B3GALT1: variants seen among roughly 807,000 people sequenced by gnomAD.
B3GALT1 encodes the protein beta-1,3-galactosyltransferase 1, also known as UDP-Gal:betaGlcNAc beta 1,3-galactosyltransferase, polypeptide 1.
A neutral mutation model predicts 23.2 loss-of-function variants in B3GALT1; 10 were observed. The ratio of observed to expected loss-of-function variants is 0.43; its 90% CI spans 0.27 to 0.73. The LOEUF (loss-of-function observed/expected upper bound fraction) is 0.73. B3GALT1 is among the 30% of genes least tolerant of loss of function. The probability of loss-of-function intolerance (pLI) is 0.21; values close to 1 mark genes in which losing one functional copy is unlikely to be tolerated. For missense variants in B3GALT1, 299 were observed against 405.4 expected, an observed-to-expected ratio of 0.74 and a Z score of 2.25; for synonymous variants, 156 against 141.5, an observed-to-expected ratio of 1.10 and a Z score of -0.73.
At chr2:167,621,545 T>C (rs1185920340) in intron 2 of B3GALT1, among the ~76,000 whole-genome samples, 3 of 152,046 alleles carry the variant, frequency 2.0e-5, no homozygotes, top group Admixed American at 6.6e-5. Flanking sequence ...GATTAAGCAA[T>C]TGAGGGAAAA....
chr2:167,418,392 G>A (rs550111995), intron 1 of B3GALT1, among the ~76,000 whole-genome samples: 1 of 151,936 alleles, frequency 6.6e-6, no homozygotes, highest in East Asian at 1.9e-4. Context: ...GGGGCTTAAG[G>A]CATGTGTGGG....
intron 3 of B3GALT1, among the ~76,000 whole-genome samples, chr2:167,803,890 C>T (rs761065162): frequency 1.3e-5 from 2 of 152,118 alleles, no homozygotes; most frequent in African/African-American, 2.4e-5. Context: ...TTGTATTTTA[C>T]GTTAATGGAG....
At chr2:167,740,113 A>G (rs945963134) in intron 3 of B3GALT1, among the ~76,000 whole-genome samples, 3 of 150,182 alleles carry the variant, frequency 2.0e-5, no homozygotes, top group African/African-American at 7.3e-5. Flanking sequence ...TAAATAAATA[A>G]ATAAATAAAT....
At chr2:167,592,330 C>G (rs868813500) in intron 2 of B3GALT1, among the ~76,000 whole-genome samples, 4 of 152,146 alleles carry the variant, frequency 2.6e-5, no homozygotes, top group African/African-American at 9.7e-5. Context: ...TGCCCCTAAT[C>G]TAAGAGGATC....
At chr2:167,840,619 G>A (rs371823789) in intron 4 of B3GALT1, among the ~76,000 whole-genome samples, 26 of 149,146 alleles carry the variant, frequency 1.7e-4, no homozygotes, top group Non-Finnish European at 2.5e-4. Context: ...TCAGTGTGGC[G>A]ATTCCTCAGG....
At chr2:167,504,236 G>A (rs1295200506) in intron 2 of B3GALT1, among the ~76,000 whole-genome samples, 1 of 152,116 alleles carries the variant, frequency 6.6e-6, no homozygotes, top group African/African-American at 2.4e-5. Flanking sequence ...TATTTAGTTG[G>A]CCTTGTTTAC....
At chr2:167,833,481 AAGATGTTTCAGTGATAATGAATCAG>A (rs1277648872) in intron 4 of B3GALT1, among the ~76,000 whole-genome samples, 2 of 152,218 alleles carry the variant, frequency 1.3e-5, no homozygotes, top group Non-Finnish European at 2.9e-5. Flanking sequence ...AAAGATTCCA[AAGATGTTTCAGTGATAATGAATCAG>A]ATGAAACTCA....
chr2:167,675,968 A>C (rs1686417145), intron 3 of B3GALT1, among the ~76,000 whole-genome samples: 1 of 151,598 alleles, frequency 6.6e-6, no homozygotes, highest in Non-Finnish European at 1.5e-5. Flanking sequence ...GAGATTTCCA[A>C]AGCAGCTCCC....
intron 2 of B3GALT1, among the ~76,000 whole-genome samples, chr2:167,635,585 C>T (rs1685536600): frequency 6.6e-6 from 1 of 151,508 alleles, no homozygotes; most frequent in Admixed American, 6.6e-5. Context: ...GAGTGAACTC[C>T]CATTGACAAT....
intron 1 of B3GALT1, among the ~76,000 whole-genome samples, chr2:167,342,498 G>T (rs1436856391): frequency 6.6e-6 from 1 of 151,804 alleles, no homozygotes; most frequent in East Asian, 1.9e-4. Context: ...GCTGAGGCAG[G>T]AGAATCGCTT....
At chr2:167,479,980 G>A (rs1432292130) in intron 1 of B3GALT1, among the ~76,000 whole-genome samples, 1 of 151,980 alleles carries the variant, frequency 6.6e-6, no homozygotes, top group African/African-American at 2.4e-5. Flanking sequence ...CTCTGGCTGG[G>A]GCCACAGGAT....
intron 1 of B3GALT1, among the ~76,000 whole-genome samples, chr2:167,415,322 A>G (rs945540459): frequency 1.3e-5 from 2 of 152,208 alleles, no homozygotes; most frequent in African/African-American, 4.8e-5. Flanking sequence ...GAGCCATCTC[A>G]GGTCTCTGCA....
chr2:167,443,852 C>CCTTT (rs1368320065), intron 1 of B3GALT1, among the ~76,000 whole-genome samples: 1 of 152,100 alleles, frequency 6.6e-6, no homozygotes. Context: ...AATTGAATAT[C>CCTTT]CTTTCTTTCT....
intron 1 of B3GALT1, among the ~76,000 whole-genome samples, chr2:167,440,313 C>G (rs1302960962): frequency 6.8e-6 from 1 of 146,366 alleles, no homozygotes; most frequent in African/African-American, 2.6e-5. Context: ...ACTGCACACT[C>G]CATCCTGGGT....
At chr2:167,769,461 T>C (rs1009593156) in intron 3 of B3GALT1, among the ~76,000 whole-genome samples, 1 of 152,194 alleles carries the variant, frequency 6.6e-6, no homozygotes, top group Non-Finnish European at 1.5e-5. Flanking sequence ...TATACTGTTA[T>C]GAATTTTGAC....
chr2:167,753,191 A>G (rs1178819821), intron 3 of B3GALT1, among the ~76,000 whole-genome samples: 1 of 152,258 alleles, frequency 6.6e-6, no homozygotes, highest in Non-Finnish European at 1.5e-5. Context: ...ACTCATTTTA[A>G]ATAAAGAAAA....
At chr2:167,712,483 A>C (rs1687076967) in intron 3 of B3GALT1, among the ~76,000 whole-genome samples, 1 of 151,680 alleles carries the variant, frequency 6.6e-6, no homozygotes, top group African/African-American at 2.4e-5. Context: ...GCCTGGGGGG[A>C]AGCAAAACCC....
intron 1 of B3GALT1, among the ~76,000 whole-genome samples, chr2:167,482,464 C>G (rs532784589): frequency 6.6e-6 from 1 of 152,194 alleles, no homozygotes; most frequent in Non-Finnish European, 1.5e-5. Context: ...TTCACAAATG[C>G]GAAATTTGAA....
At chr2:167,741,471 A>T (rs566250504) in intron 3 of B3GALT1, among the ~76,000 whole-genome samples, 2 of 152,308 alleles carry the variant, frequency 1.3e-5, no homozygotes, top group South Asian at 2.1e-4. Flanking sequence ...ATATAGCCAG[A>T]GTGGTCCATC....
Sources: allele counts gnomAD v4.1 joint callset (sites outside exome capture counted in the v4.1 genomes callset), GRCh38; gene constraint gnomAD v4.1.1; transcripts MANE v1.5; gene names NCBI Gene and HGNC (gene_info 2026-07-23, HGNC 2026-07-21).